TENM3: variants seen among roughly 807,000 people sequenced by gnomAD.
The protein encoded by TENM3 is teneurin-3.
A neutral mutation model predicts 255.1 loss-of-function variants in TENM3; 63 were observed. That is an observed-to-expected ratio of 0.25 (90% CI 0.20 to 0.30). The LOEUF (loss-of-function observed/expected upper bound fraction) is 0.30, where lower values mean the gene tolerates loss of function less well. TENM3 is among the 10% of genes least tolerant of loss of function. The pLI, the probability that TENM3 is intolerant of heterozygous loss-of-function variation, is 1.00. For synonymous variants in TENM3, 1,306 were observed against 1,322.3 expected (o/e 0.99, Z 0.27); for missense variants, 2,929 against 3,461.1 (o/e 0.85, Z 3.86).
chr4:181,666,304 A>C, the TENM3 span, among the ~76,000 whole-genome samples: 4 of 152,278 alleles, frequency 2.6e-5, no homozygotes, highest in African/African-American at 7.2e-5. Flanking sequence ...ATGCAGTAAA[A>C]AAATTTTCCT....
At chr4:182,713,844 G>C (rs181091364) in intron 12 of TENM3, among the ~76,000 whole-genome samples, 224 of 152,300 alleles carry the variant, frequency 1.5e-3, no homozygotes, top group African/African-American at 5.2e-3. Flanking sequence ...GCTATTTAGT[G>C]GATCGTTGCA....
At chr4:182,462,662 G>T (rs771509433) in intron 3 of TENM3, among the ~76,000 whole-genome samples, 1 of 151,790 alleles carries the variant, frequency 6.6e-6, no homozygotes, top group Non-Finnish European at 1.5e-5. Context: ...CCAGGTGGAC[G>T]GATCACCTGA....
At chr4:181,707,999 G>A in the TENM3 span, among the ~76,000 whole-genome samples, 100 of 152,034 alleles carry the variant, frequency 6.6e-4, 1 homozygote, top group Non-Finnish European at 1.1e-3. Flanking sequence ...ATTAATTAGT[G>A]GGATTGTTTC....
intron 1 of TENM3, among the ~76,000 whole-genome samples, chr4:182,210,295 A>G (rs894498477): frequency 3.3e-5 from 5 of 152,008 alleles, no homozygotes; most frequent in African/African-American, 1.2e-4. Context: ...TGAATTCAGC[A>G]CCTCAACATT....
At chr4:181,826,119 A>G in the TENM3 span, among the ~76,000 whole-genome samples, 1 of 152,256 alleles carries the variant, frequency 6.6e-6, no homozygotes, top group African/African-American at 2.4e-5. Flanking sequence ...GTAAATAACT[A>G]TAAAAGCATT....
intron 12 of TENM3, among the ~76,000 whole-genome samples, chr4:182,700,074 T>C (rs1352373430): frequency 6.6e-6 from 1 of 152,202 alleles, no homozygotes; most frequent in Non-Finnish European, 1.5e-5. Context: ...AGAAAGATTC[T>C]CTCGAGTTCC....
the TENM3 span, among the ~76,000 whole-genome samples, chr4:181,876,800 C>T: frequency 6.6e-6 from 1 of 151,966 alleles, no homozygotes; most frequent in Admixed American, 6.6e-5. Context: ...TTATTAATAG[C>T]ATTTAAAAGT....
At chr4:182,761,845 A>C (rs1431584672) in intron 22 of TENM3, among the ~76,000 whole-genome samples, 1 of 152,194 alleles carries the variant, frequency 6.6e-6, no homozygotes, top group African/African-American at 2.4e-5. Flanking sequence ...TGTTTTGTTT[A>C]ATTGCTTAAT....
intron 24 of TENM3, among the ~76,000 whole-genome samples, chr4:182,784,925 C>T (rs1446255675): frequency 3.3e-5 from 5 of 152,130 alleles, no homozygotes; most frequent in African/African-American, 9.7e-5. Context: ...GCGCACGGTG[C>T]GCGCACCCAC....
intron 14 of TENM3, among the ~76,000 whole-genome samples, chr4:182,729,398 A>G (rs1308351409): frequency 6.6e-6 from 1 of 152,224 alleles, no homozygotes; most frequent in Non-Finnish European, 1.5e-5. Context: ...ATAACAGGAC[A>G]TTATATTAAA....
At chr4:181,811,144 G>A in the TENM3 span, among the ~76,000 whole-genome samples, 8 of 152,166 alleles carry the variant, frequency 5.3e-5, no homozygotes, top group African/African-American at 1.9e-4. Context: ...ATAAGCATAT[G>A]AATATGCACT....
chr4:182,425,613 G>C (rs1029852320), intron 3 of TENM3, among the ~76,000 whole-genome samples: 1 of 152,096 alleles, frequency 6.6e-6, no homozygotes, highest in Admixed American at 6.6e-5. Context: ...TTGATCCCTG[G>C]TTACTCTCTG....
At chr4:181,836,522 T>A in the TENM3 span, among the ~76,000 whole-genome samples, 2 of 152,234 alleles carry the variant, frequency 1.3e-5, no homozygotes, top group African/African-American at 4.8e-5. Context: ...CTGATCATGG[T>A]ATCATTTATT....
chr4:182,275,266 A>G (rs61674466), intron 1 of TENM3, among the ~76,000 whole-genome samples: 3,958 of 152,312 alleles, frequency 0.026, 117 homozygotes, highest in African/African-American at 0.059. Flanking sequence ...GTTTAGCAGG[A>G]AAGACCATAA....
At chr4:182,625,670 C>T (rs1186885969) in intron 4 of TENM3, among the ~76,000 whole-genome samples, 1 of 152,116 alleles carries the variant, frequency 6.6e-6, no homozygotes, top group Non-Finnish European at 1.5e-5. Flanking sequence ...CCAGTGTTTG[C>T]CAGGACTTTT....
chr4:182,237,549 T>G (rs1364801715), intron 1 of TENM3, among the ~76,000 whole-genome samples: 1 of 152,064 alleles, frequency 6.6e-6, no homozygotes, highest in Non-Finnish European at 1.5e-5. Flanking sequence ...CCCAGCACTT[T>G]GAGAGGCCGA....
chr4:182,637,721 A>C (rs1234407101), intron 5 of TENM3, among the ~76,000 whole-genome samples: 2 of 152,210 alleles, frequency 1.3e-5, no homozygotes, highest in Non-Finnish European at 2.9e-5. Context: ...CTTGCCTCTT[A>C]GAGATTATAT....
At chr4:181,532,201 GA>G in the TENM3 span, among the ~76,000 whole-genome samples, 3 of 152,132 alleles carry the variant, frequency 2.0e-5, no homozygotes, top group Non-Finnish European at 2.9e-5. Context: ...CCACGTGTAT[GA>G]AATGCATCAA....
chr4:182,561,981 T>C (rs191142000), intron 3 of TENM3, among the ~76,000 whole-genome samples: 4,178 of 128,284 alleles, frequency 0.033, 62 homozygotes, highest in Middle Eastern at 0.071. Flanking sequence ...GATAGATAGA[T>C]AGACAGATAG....
Sources: allele counts gnomAD v4.1 joint callset (sites outside exome capture counted in the v4.1 genomes callset), GRCh38; gene constraint gnomAD v4.1.1; transcripts MANE v1.5; gene names NCBI Gene and HGNC (gene_info 2026-07-23, HGNC 2026-07-21).